PLPP6: variants seen among roughly 807,000 people sequenced by gnomAD.
PLPP6 encodes polyisoprenoid diphosphate/phosphate phosphohydrolase PLPP6.
PLPP6 carries 16 observed loss-of-function variants against 16.5 expected under a neutral mutation model. That is an observed-to-expected ratio of 0.97 (90% CI 0.66 to 1.47). The LOEUF (loss-of-function observed/expected upper bound fraction) is 1.47. Ranked by LOEUF, PLPP6 falls within the 40% of genes most tolerant of loss-of-function variation. PLPP6 has a pLI of 0.00. For synonymous variants in PLPP6, 226 were observed against 188.1 expected (o/e 1.20, Z -1.65); for missense variants, 512 against 396.6 (o/e 1.29, Z -2.47).
Position 4,664,910 on chromosome 9 carries a change from G to T in PLPP6, c.*1647G>T, listed in dbSNP as rs1048447046. On this transcript the variant is annotated 3_prime_UTR_variant, in exon 1 of 1. Coordinates refer to ENST00000381883, the MANE Select transcript of PLPP6 (RefSeq NM_203453.5). ...TCACTTGCTAAAGCAGCTAAACTGT[G>T]AAGCTCTAAGTGGTTTGGGTTTGTT... The T allele has an allele frequency of 6.0e-6, 1 of 167,066 alleles. No homozygotes were observed. Among genetic ancestry groups the T allele is most frequent in the Non-Finnish European group, 1.5e-5 (1 of 68,118 alleles). The allele number at this position is 167,066 out of a possible 1,614,324, so 10.3% of individuals were successfully genotyped here.
Position 4,663,486 on chromosome 9 carries a change from A to C in PLPP6, c.*223A>C. 1 of 525,810 alleles carries C rather than the reference A, an allele frequency of 1.9e-6. No individual in the cohort carries two copies. Among genetic ancestry groups the C allele is most frequent in the Non-Finnish European group, 3.5e-6 (1 of 288,730 alleles). The allele number at this position is 525,810 out of a possible 1,614,324, so 32.6% of individuals were successfully genotyped here. On this transcript the variant is annotated 3_prime_UTR_variant, in exon 1 of 1. Transcript: ENST00000381883. ...AGCAAAAAAACCCAAAAAATCCTCTATTGTATATTTATTCAACAACTGTTT... is the reference window on the plus strand; with the variant it reads ...AGCAAAAAAACCCAAAAAATCCTCTCTTGTATATTTATTCAACAACTGTTT...
chr9:4,663,391 C>G lies in PLPP6; in HGVS notation c.*128C>G, dbSNP rs1445091122. The G allele has an allele frequency of 2.1e-6, 2 of 968,848 alleles. No individual in the cohort carries two copies. The highest frequency in any genetic ancestry group is 1.6e-5 in the African/African-American group (1 of 61,282). The allele number at this position is 968,848 out of a possible 1,614,324, so 60.0% of individuals were successfully genotyped here. On this transcript the variant is annotated 3_prime_UTR_variant, in exon 1 of 1. Transcript: ENST00000381883. ...AGGCTTCCTTTGGGATTTCAGGTGT[C>G]CCATGATCTTGATGTGCTGCTAGGC...
chr9:4,662,439 AGCAGCCCCG>A lies in PLPP6; in HGVS notation c.72_80del (p.Gly25_Pro27del). The A allele has an allele frequency of 5.2e-6, 8 of 1,544,954 alleles. No homozygotes were observed. Among genetic ancestry groups the A allele is most frequent in the Non-Finnish European group, 6.9e-6 (8 of 1,153,980 alleles). On this transcript the variant is annotated inframe_deletion, in exon 1 of 1. Coordinates refer to ENST00000381883, the MANE Select transcript of PLPP6 (RefSeq NM_203453.5). This position sits in a 1 kb window ranked among gnomAD's most constrained non-coding sequence, Gnocchi z 4.9. ...GGGCGTCTCCGCTTCGAGCAGCAGC[AGCAGCCCCG>A]GCAGCCCAGCCCATGGCGGCGGTGG...
Position 4,663,392 on chromosome 9 carries a change from C to T in PLPP6, c.*129C>T. On this transcript the variant is annotated 3_prime_UTR_variant, in exon 1 of 1. Transcript: ENST00000381883. Reference sequence around the variant, plus strand: ...GGCTTCCTTTGGGATTTCAGGTGTCCCATGATCTTGATGTGCTGCTAGGCT... The same window carrying T: ...GGCTTCCTTTGGGATTTCAGGTGTCTCATGATCTTGATGTGCTGCTAGGCT... The T allele has an allele frequency of 1.0e-6, 1 of 966,596 alleles. No homozygotes were observed. The highest frequency in any genetic ancestry group is 2.4e-5 in the East Asian group (1 of 41,546). 59.9% of individuals were successfully genotyped at this position (966,596 alleles called of 1,614,324 possible).
At position 4,662,501 on chromosome 9, in the gene PLPP6, C is replaced by T; in HGVS notation, c.126C>T (p.Ser42=). 1.3e-6 allele frequency: 2 copies of T among 1,559,184 alleles called. No individual in the cohort carries two copies. The highest frequency in any genetic ancestry group is 1.7e-6 in the Non-Finnish European group (2 of 1,161,958). Residue 42 remains serine (S), a synonymous_variant, in exon 1 of 1, where the codon TCC becomes TCT. Coordinates refer to ENST00000381883, the MANE Select transcript of PLPP6 (RefSeq NM_203453.5). This position sits in a 1 kb window ranked among gnomAD's most constrained non-coding sequence, Gnocchi z 4.9. ...GCGGCAGCAGGTTTGAGTTCCAGTC[C>T]CTGCTCAGCAGCCGCGCCACGGCCG... ...GGGGSRFEFQ[S]LLSSRATAVD... is the part of the protein sequence containing the mutation.
In PLPP6 at chr9:4,663,430, G is replaced by A. The variant is rs1840344850; in HGVS notation, c.*167G>A. 2 of 732,962 alleles carry A rather than the reference G, an allele frequency of 2.7e-6. No homozygotes were observed. Among genetic ancestry groups the A allele is most frequent in the South Asian group, 1.9e-5 (1 of 52,598 alleles). The allele number at this position is 732,962 out of a possible 1,614,324, so 45.4% of individuals were successfully genotyped here. On this transcript the variant is annotated 3_prime_UTR_variant, in exon 1 of 1. Transcript: ENST00000381883. ...GTGCTGCTAGGCTGGAGCACACACT[G>A]GCCATTACTGAACACAGCCATATTA...
rs888542526 is a variant in PLPP6 at position 4,663,469 on chromosome 9, A to C, written c.*206A>C. 1.8e-6 allele frequency: 1 copy of C among 560,930 alleles called. No individual in the cohort carries two copies. The highest frequency in any genetic ancestry group is 1.9e-5 in the African/African-American group (1 of 53,256). The allele number at this position is 560,930 out of a possible 1,614,324, so 34.7% of individuals were successfully genotyped here. A position where few individuals can be genotyped will look rare whatever the true frequency, so the allele number is the denominator to read the frequency against. On this transcript the variant is annotated 3_prime_UTR_variant, in exon 1 of 1. Coordinates refer to ENST00000381883, the MANE Select transcript of PLPP6 (RefSeq NM_203453.5). The stretch of plus-strand genomic sequence containing the variant: ...ACAGCCATATTAGGGAAAGCAAAAA[A>C]ACCCAAAAAATCCTCTATTGTATAT...
chr9:4,663,442 A>T lies in PLPP6; in HGVS notation c.*179A>T. 1 of 661,278 alleles carries T rather than the reference A, an allele frequency of 1.5e-6. No individual in the cohort carries two copies. Among genetic ancestry groups the T allele is most frequent in the Non-Finnish European group, 2.6e-6 (1 of 384,362 alleles). 41.0% of individuals were successfully genotyped at this position (661,278 alleles called of 1,614,324 possible). A position where few individuals can be genotyped will look rare whatever the true frequency, so the allele number is the denominator to read the frequency against. The stretch of plus-strand genomic sequence containing the variant: ...TGGAGCACACACTGGCCATTACTGA[A>T]CACAGCCATATTAGGGAAAGCAAAA... On this transcript the variant is annotated 3_prime_UTR_variant, in exon 1 of 1. Coordinates refer to ENST00000381883, the MANE Select transcript of PLPP6 (RefSeq NM_203453.5).
rs779075073 is a variant in PLPP6 at position 4,662,744 on chromosome 9, G to A, written c.369G>A (p.Glu123=). The A allele has an allele frequency of 1.9e-6, 3 of 1,603,432 alleles. No homozygotes were observed. The South Asian group carries it at 3.3e-5, about 18-fold the overall frequency. The part of the protein sequence containing the change: ...LSKKLGVCAG[E]SSSWGSVRPL... The stretch of plus-strand genomic sequence containing the variant: ...AGAAGCTGGGGGTGTGCGCGGGAGA[G>A]AGCTCGTCGTGGGGCAGCGTGCGAC... Residue 123 remains glutamate, a synonymous_variant, in exon 1 of 1, where the codon GAG becomes GAA. Transcript: ENST00000381883. This position sits in a 1 kb window ranked among gnomAD's most constrained non-coding sequence, Gnocchi z 4.9.
In PLPP6 at chr9:4,662,934, G is replaced by A. The variant is rs144108897; in HGVS notation, c.559G>A (p.Val187Ile). 109 of 1,611,066 alleles carry A rather than the reference G, an allele frequency of 6.8e-5. No individual in the cohort carries two copies. Among genetic ancestry groups the A allele is most frequent in the Non-Finnish European group, 8.9e-5 (105 of 1,179,954 alleles). ...GCTGGTGGCCTTGATCAAAGGGCTGGTCCGCAGGCGCCGCCCGGCCCACAA... is the reference window on the plus strand; with the variant it reads ...GCTGGTGGCCTTGATCAAAGGGCTGATCCGCAGGCGCCGCCCGGCCCACAA... ...LLLVALIKGL[V>I]RRRRPAHNQM... Residue 187 changes from valine to isoleucine, a missense_variant, in exon 1 of 1, where the codon GTC (valine) becomes ATC (isoleucine). Transcript: ENST00000381883. This position sits in a 1 kb window ranked among gnomAD's most constrained non-coding sequence, Gnocchi z 4.9.
At position 4,662,553 on chromosome 9, in the gene PLPP6, G is replaced by C; in HGVS notation, c.178G>C (p.Ala60Pro). The C allele has an allele frequency of 6.3e-7, 1 of 1,577,884 alleles. No homozygotes were observed. The stretch of plus-strand genomic sequence containing the variant: ...GGACCCCACCTGCGCCCGGCTCCGT[G>C]CATCGGAGAGCCCAGTTCACCGCCG... ...AVDPTCARLRASESPVHRRGS... is the reference protein window; with the variant it reads ...AVDPTCARLRPSESPVHRRGS... Residue 60 changes from alanine to proline, a missense_variant, in exon 1 of 1, where the codon GCA (alanine) becomes CCA (proline). Transcript: ENST00000381883. The surrounding 1 kb of genome is among the most constrained non-coding windows in gnomAD (Gnocchi z 4.9).
Position 4,663,317 on chromosome 9 carries a change from A to T in PLPP6, c.*54A>T. The T allele has an allele frequency of 1.3e-6, 2 of 1,549,990 alleles. No homozygotes were observed. The highest frequency in any genetic ancestry group is 1.8e-6 in the Non-Finnish European group (2 of 1,136,708). ...AGTCTGAAGGTTTCCACATTCGATG[A>T]TGTCAACCTAAACCAGCAGCCATCC... On this transcript the variant is annotated 3_prime_UTR_variant, in exon 1 of 1. Transcript: ENST00000381883.
Position 4,663,941 on chromosome 9 carries a change from C to T in PLPP6, c.*678C>T, listed in dbSNP as rs979836896. The T allele has an allele frequency of 1.2e-5, 2 of 167,058 alleles. No homozygotes were observed. The highest frequency in any genetic ancestry group is 2.9e-5 in the Non-Finnish European group (2 of 68,140). The allele number at this position is 167,058 out of a possible 1,614,324, so 10.3% of individuals were successfully genotyped here. ...CTTTCTCTCCTCTCCCTCCATCCCT[C>T]AAAAGATCTTTATGCATTTCCCACT... On this transcript the variant is annotated 3_prime_UTR_variant, in exon 1 of 1. Coordinates refer to ENST00000381883, the MANE Select transcript of PLPP6 (RefSeq NM_203453.5).
Position 4,662,647 on chromosome 9 carries a change from G to C in PLPP6, c.272G>C (p.Arg91Pro), listed in dbSNP as rs931597183. Residue 91 changes from arginine (R) to proline (P), a missense_variant, in exon 1 of 1, where the codon CGC (arginine) becomes CCC (proline). By Grantham distance (103) the Arg-to-Pro change is moderately radical. Transcript: ENST00000381883. The surrounding 1 kb of genome is among the most constrained non-coding windows in gnomAD (Gnocchi z 4.9). Reference protein sequence around the residue: ...SPAPPLPEEDRMDLNPSFLGI... With the variant: ...SPAPPLPEEDPMDLNPSFLGI... ...GCGCCTCCGCTGCCCGAGGAGGACC[G>C]CATGGACTTGAACCCGTCCTTCCTG... 3.1e-6 allele frequency: 5 copies of C among 1,599,364 alleles called. No homozygotes were observed. Among genetic ancestry groups the C allele is most frequent in the Non-Finnish European group, 3.4e-6 (4 of 1,179,720 alleles).
rs1158490354 is a variant in PLPP6 at position 4,662,657 on chromosome 9, G to C, written c.282G>C (p.Leu94Phe). ...TGCCCGAGGAGGACCGCATGGACTT[G>C]AACCCGTCCTTCCTGGGCATCGCCC... ...PPLPEEDRMD[L>F]NPSFLGIALR... is the part of the protein sequence containing the mutation. Residue 94 changes from leucine to phenylalanine, a missense_variant, in exon 1 of 1, where the codon TTG becomes TTC. Leu to Phe is a conservative substitution (Grantham distance 22). Transcript: ENST00000381883. The surrounding 1 kb of genome is among the most constrained non-coding windows in gnomAD (Gnocchi z 4.9). The C allele has an allele frequency of 1.9e-6, 3 of 1,599,878 alleles. No homozygotes were observed. Among genetic ancestry groups the C allele is most frequent in the Admixed American group, 1.7e-5 (1 of 60,008 alleles).
chr9:4,662,578 G>C lies in PLPP6; in HGVS notation c.203G>C (p.Arg68Pro). ...LRASESPVHRRGSFPLAAAGP... is the reference protein window; with the variant it reads ...LRASESPVHRPGSFPLAAAGP... The stretch of plus-strand genomic sequence containing the variant: ...GCATCGGAGAGCCCAGTTCACCGCC[G>C]CGGCTCCTTCCCCCTGGCCGCGGCG... Residue 68 changes from arginine (R) to proline (P), a missense_variant, in exon 1 of 1, where the codon CGC becomes CCC. Arg to Pro is a moderately radical substitution (Grantham distance 103). Transcript: ENST00000381883. This position sits in a 1 kb window ranked among gnomAD's most constrained non-coding sequence, Gnocchi z 4.9. The C allele has an allele frequency of 6.3e-7, 1 of 1,589,682 alleles. No homozygotes were observed. The highest frequency in any genetic ancestry group is 8.5e-7 in the Non-Finnish European group (1 of 1,176,050).
In PLPP6 at chr9:4,662,702, C is replaced by G. The variant is rs973526061; in HGVS notation, c.327C>G (p.Ile109Met). The change falls in exon 1 of 1, where the codon ATC becomes ATG. Residue 109 changes from isoleucine (I) to methionine (M), a missense_variant. Ile to Met is a conservative substitution (Grantham distance 10). Transcript: ENST00000381883. The surrounding 1 kb of genome is among the most constrained non-coding windows in gnomAD (Gnocchi z 4.9). ...LGIALRSLLA[I>M]DLWLSKKLGV... ...TCGCCCTGCGCTCCCTGCTGGCCATCGACCTGTGGCTGTCCAAGAAGCTGG... is the reference window on the plus strand; with the variant it reads ...TCGCCCTGCGCTCCCTGCTGGCCATGGACCTGTGGCTGTCCAAGAAGCTGG... 1.2e-6 allele frequency: 2 copies of G among 1,601,568 alleles called. No individual in the cohort carries two copies. Among genetic ancestry groups the G allele is most frequent in the African/African-American group, 1.3e-5 (1 of 75,046 alleles).
chr9:4,664,857 C>T lies in PLPP6; in HGVS notation c.*1594C>T, dbSNP rs1587591884. 1 of 167,070 alleles carries T rather than the reference C, an allele frequency of 6.0e-6. No individual in the cohort carries two copies. Among genetic ancestry groups the T allele is most frequent in the East Asian group, 1.9e-4 (1 of 5,202 alleles). 10.3% of individuals were successfully genotyped at this position (167,070 alleles called of 1,614,324 possible). ...CTCAAAATCAAATCATTTGCATTCC[C>T]ACAGCATCCTGAATACCGACTACCT... On this transcript the variant is annotated 3_prime_UTR_variant, in exon 1 of 1. Coordinates refer to ENST00000381883, the MANE Select transcript of PLPP6 (RefSeq NM_203453.5).
rs566288275 is a variant in PLPP6 at position 4,662,313 on chromosome 9, C to T, written c.-63C>T. On this transcript the variant is annotated 5_prime_UTR_variant, in exon 1 of 1. Coordinates refer to ENST00000381883, the MANE Select transcript of PLPP6 (RefSeq NM_203453.5). This position sits in a 1 kb window ranked among gnomAD's most constrained non-coding sequence, Gnocchi z 4.9. ...GATGGTAGTGCGGAAGCGGAAGAGG[C>T]TGCAGGGCCGGGAAGCCTCTGTTTG... 6.9e-7 allele frequency: 1 copy of T among 1,441,648 alleles called. No individual in the cohort carries two copies. Among genetic ancestry groups the T allele is most frequent in the Non-Finnish European group, 9.1e-7 (1 of 1,103,260 alleles). The allele number at this position is 1,441,648 out of a possible 1,614,324, so 89.3% of individuals were successfully genotyped here.
Sources: gnomAD v4.1 joint callset for allele counts on GRCh38, gnomAD v4.1.1 for gene constraint, Gnocchi (gnomAD v3.1) non-coding constraint, MANE v1.5 for transcripts, NCBI Gene and HGNC (gene_info 2026-07-23, HGNC 2026-07-21) for gene names.